Variants in CLSTN1 observed in about 807,000 individuals in gnomAD.
The protein encoded by CLSTN1 is calsyntenin-1.
Under a neutral mutation model 108.3 loss-of-function variants are expected in CLSTN1, and 28 were observed. The observed-to-expected ratio is 0.26, with a 90% confidence interval of 0.19 to 0.35. The LOEUF (loss-of-function observed/expected upper bound fraction) is 0.35. Among genes scored for constraint, CLSTN1 ranks in the 10% least tolerant of loss-of-function variants. The probability of loss-of-function intolerance (pLI) is 1.00; values close to 1 mark genes in which losing one functional copy is unlikely to be tolerated. For synonymous variants in CLSTN1, 524 were observed against 534.9 expected (o/e 0.98, Z 0.28); for missense variants, 1,157 against 1,302.6 (o/e 0.89, Z 1.72).
intron 1 of CLSTN1, among the ~76,000 whole-genome samples, chr1:9,789,520 G>C (rs1232946610): frequency 1.3e-5 from 2 of 151,476 alleles, no homozygotes; most frequent in Non-Finnish European, 2.9e-5. Flanking sequence ...CACGCAGAAT[G>C]AATCTTGTTT....
intron 15 of CLSTN1, 53 bp from the exon 16 acceptor site, chr1:9,733,599 G>C (rs1650523806): frequency 1.9e-6 from 3 of 1,604,982 alleles, no homozygotes; most frequent in Non-Finnish European, 2.6e-6. Flanking sequence ...CAGGAGCATG[G>C]GCAGGGCTGC....
At chr1:9,801,398 A>G (rs967403959) in intron 1 of CLSTN1, among the ~76,000 whole-genome samples, 2 of 152,228 alleles carry the variant, frequency 1.3e-5, no homozygotes, top group Non-Finnish European at 2.9e-5. Context: ...TCTTAGAGAA[A>G]CTAAATCAAC....
intron 10 of CLSTN1, among the ~76,000 whole-genome samples, chr1:9,739,877 T>G (rs1650887396): frequency 6.8e-6 from 1 of 147,694 alleles, no homozygotes; most frequent in Non-Finnish European, 1.5e-5. Flanking sequence ...AGTGCAGTGG[T>G]GCTATCTCGG....
At chr1:9,778,305 T>A (rs1653057132) in intron 1 of CLSTN1, among the ~76,000 whole-genome samples, 1 of 149,316 alleles carries the variant, frequency 6.7e-6, no homozygotes. Context: ...CATTCTCTAA[T>A]TCCCAGTACC....
chr1:9,746,026 C>T (rs898474890), intron 7 of CLSTN1, among the ~76,000 whole-genome samples: 6 of 151,998 alleles, frequency 3.9e-5, no homozygotes, highest in African/African-American at 1.4e-4. Context: ...CCTCAGACTC[C>T]CAAAGTGCTG....
At chr1:9,803,497 G>A (rs925526135) in intron 1 of CLSTN1, among the ~76,000 whole-genome samples, 6 of 152,136 alleles carry the variant, frequency 3.9e-5, no homozygotes, top group African/African-American at 9.7e-5. Flanking sequence ...GTCTTTTATC[G>A]TGGTAGTTAT....
intron 1 of CLSTN1, among the ~76,000 whole-genome samples, chr1:9,781,780 G>A (rs1292820284): frequency 6.6e-6 from 1 of 151,790 alleles, no homozygotes; most frequent in Non-Finnish European, 1.5e-5. Context: ...CTTCCACATC[G>A]CCATGTTCAT....
chr1:9,796,472 C>T (rs1214984386), intron 1 of CLSTN1, among the ~76,000 whole-genome samples: 6 of 148,034 alleles, frequency 4.1e-5, no homozygotes, highest in East Asian at 2.1e-4. Flanking sequence ...GTCAGGAAAT[C>T]GAGACCATCC....
At chr1:9,771,718 T>C (rs899685306) in intron 2 of CLSTN1, among the ~76,000 whole-genome samples, 1 of 152,200 alleles carries the variant, frequency 6.6e-6, no homozygotes, top group Non-Finnish European at 1.5e-5. Context: ...ACTGTCCTTT[T>C]CATCAGAATT....
chr1:9,805,939 ATAAT>A (rs1437791592), intron 1 of CLSTN1, among the ~76,000 whole-genome samples: 2 of 152,102 alleles, frequency 1.3e-5, no homozygotes, highest in Non-Finnish European at 2.9e-5. Context: ...AAATAATTTA[ATAAT>A]TACATTATTT....
rs193043660 is a variant in CLSTN1, at chr1:9,753,365, G to A, written c.441-1684C>T. Among the ~76,000 whole-genome samples, 607 of 152,158 alleles carry A rather than the reference G, an allele frequency of 4.0e-3. 22 individuals are homozygous for A. The highest frequency in any genetic ancestry group is 0.034 in the Admixed American group (515 of 15,256). ...ACTGGCCCACGTCCTGAGGTATGGC[G>A]ACCCCTGTTCTATGTTGTCTTGTCC... On this transcript the variant is annotated intron_variant, in intron 4 of 18. Transcript: ENST00000377298.
chr1:9,786,320 C>T (rs543950295), intron 1 of CLSTN1, among the ~76,000 whole-genome samples: 1 of 152,254 alleles, frequency 6.6e-6, no homozygotes, highest in Non-Finnish European at 1.5e-5. Context: ...CATACCACCA[C>T]ATACTGTTAC....
At chr1:9,777,291 A>G (rs1001239689) in intron 1 of CLSTN1, among the ~76,000 whole-genome samples, 1 of 150,846 alleles carries the variant, frequency 6.6e-6, no homozygotes, top group African/African-American at 2.4e-5. Flanking sequence ...AGGCCAAGGC[A>G]GGCGGATCAC....
At position 9,731,643 on chromosome 1, in the gene CLSTN1, T is replaced by C. The variant is rs1295384779; in HGVS notation, c.2563+118A>G. ...TAGTTTCCTTGTGTGTGATGGGGAA[T>C]AATTGGGACAGGGAAAGACCGGCGG... On this transcript the variant is annotated intron_variant, in intron 17 of 18. Coordinates refer to ENST00000377298, the MANE Select transcript of CLSTN1 (RefSeq NM_001009566.3). 5.6e-6 allele frequency: 6 copies of C among 1,070,570 alleles called. No individual in the cohort carries two copies. In the East Asian group the frequency reaches 1.4e-4, roughly 26 times the overall value. 66.3% of individuals were successfully genotyped at this position (1,070,570 alleles called of 1,614,324 possible).
intron 1 of CLSTN1, among the ~76,000 whole-genome samples, chr1:9,786,597 T>G (rs980430136): frequency 5.0e-5 from 7 of 140,838 alleles, no homozygotes; most frequent in Non-Finnish European, 1.0e-4. Context: ...GAGCTGAGAT[T>G]GTGCTATTGC....
intron 1 of CLSTN1, among the ~76,000 whole-genome samples, chr1:9,815,257 T>C (rs974408944): frequency 1.3e-5 from 2 of 152,228 alleles, no homozygotes; most frequent in African/African-American, 4.8e-5. Context: ...AGAAAAGGGT[T>C]GCTCTGTGAG....
chr1:9,730,159 C>T lies in CLSTN1; in HGVS notation c.*349G>A, dbSNP rs771174027. 8.9e-5 allele frequency: 32 copies of T among 358,542 alleles called. 1 individual carries two copies. The highest frequency in any genetic ancestry group is 1.3e-4 in the Non-Finnish European group (25 of 193,900). 22.2% of individuals were successfully genotyped at this position (358,542 alleles called of 1,614,324 possible). On this transcript the variant is annotated 3_prime_UTR_variant, in exon 19 of 19. Transcript: ENST00000377298. This position sits in a 1 kb window ranked among gnomAD's most constrained non-coding sequence, Gnocchi z 5.6. ...GTGAGCATGTTTTACCCTTTGTCAA[C>T]GAGCCCAGCTGGCATGGCTTTTCTG... is the stretch of plus-strand genomic sequence containing the variant.
chr1:9,801,182 T>G (rs891737902), intron 1 of CLSTN1, among the ~76,000 whole-genome samples: 1 of 151,374 alleles, frequency 6.6e-6, no homozygotes, highest in Admixed American at 6.6e-5. Flanking sequence ...GCGGCGGAGG[T>G]TGCAGTAAGC....
At chr1:9,738,514 C>G (rs968254696) in intron 10 of CLSTN1, among the ~76,000 whole-genome samples, 1 of 152,208 alleles carries the variant, frequency 6.6e-6, no homozygotes, top group African/African-American at 2.4e-5. Context: ...CCCCACAACA[C>G]GCTGGTAGAA....
Sources: gnomAD v4.1 joint callset for allele counts (sites outside exome capture counted in the v4.1 genomes callset) on GRCh38, gnomAD v4.1.1 for gene constraint, Gnocchi (gnomAD v3.1) non-coding constraint, MANE v1.5 for transcripts, NCBI Gene and HGNC (gene_info 2026-07-23, HGNC 2026-07-21) for gene names.